Variants in MAGI1 observed in about 807,000 individuals in gnomAD.
MAGI1 encodes membrane associated guanylate kinase, WW and PDZ domain containing 1, also known as membrane-associated guanylate kinase, WW and PDZ domain-containing protein 1.
A neutral mutation model predicts 139.9 loss-of-function variants in MAGI1; 58 were observed. That is an observed-to-expected ratio of 0.41 (90% CI 0.34 to 0.52). MAGI1 has a LOEUF of 0.52. MAGI1 is among the 20% of genes least tolerant of loss of function. The pLI is 0.12. For synonymous variants in MAGI1, 812 were observed against 737.9 expected, an observed-to-expected ratio of 1.10 and a Z score of -1.63; for missense variants, 1,874 against 1,901.6, an observed-to-expected ratio of 0.99 and a Z score of 0.27.
intron 2 of MAGI1, among the ~76,000 whole-genome samples, chr3:65,594,624 C>A (rs182324100): frequency 6.6e-6 from 1 of 151,828 alleles, no homozygotes; most frequent in African/African-American, 2.4e-5. Flanking sequence ...AGTATGACTG[C>A]GAGGGATGTG....
intron 1 of MAGI1, among the ~76,000 whole-genome samples, chr3:65,899,485 C>T (rs1339075614): frequency 6.6e-6 from 1 of 152,154 alleles, no homozygotes; most frequent in African/African-American, 2.4e-5. Context: ...TCAGAAAAAA[C>T]TGAGATCATT....
intron 3 of MAGI1, among the ~76,000 whole-genome samples, chr3:65,483,010 T>G (rs888481252): frequency 2.6e-5 from 4 of 152,266 alleles, no homozygotes; most frequent in Non-Finnish European, 5.9e-5. Context: ...GGACCCCATC[T>G]AGAACAGTGC....
intron 1 of MAGI1, among the ~76,000 whole-genome samples, chr3:65,790,573 T>A (rs528862455): frequency 3.9e-5 from 6 of 152,214 alleles, no homozygotes; most frequent in African/African-American, 9.6e-5. Context: ...CTATTTTTCC[T>A]ACAACACAGA....
intron 1 of MAGI1, among the ~76,000 whole-genome samples, chr3:65,661,908 C>A (rs575258228): frequency 6.6e-5 from 10 of 151,546 alleles, no homozygotes; most frequent in Non-Finnish European, 1.5e-4. Flanking sequence ...CCACCATGCC[C>A]GGCTAAATTT....
intron 1 of MAGI1, among the ~76,000 whole-genome samples, chr3:65,712,548 C>A (rs769772875): frequency 1.3e-5 from 2 of 151,856 alleles, no homozygotes; most frequent in Non-Finnish European, 2.9e-5. Context: ...AGTTTCACTC[C>A]GTCACTCAGG....
chr3:65,890,503 A>G (rs2060705225), intron 1 of MAGI1, among the ~76,000 whole-genome samples: 1 of 152,202 alleles, frequency 6.6e-6, no homozygotes, highest in African/African-American at 2.4e-5. Flanking sequence ...AAATTCAACA[A>G]TATTTTTCTC....
intron 1 of MAGI1, among the ~76,000 whole-genome samples, chr3:65,903,280 C>T (rs1575948391): frequency 1.3e-5 from 2 of 152,240 alleles, no homozygotes; most frequent in South Asian, 4.2e-4. Flanking sequence ...AGGCATAAGC[C>T]ACCACAGCTT....
intron 1 of MAGI1, among the ~76,000 whole-genome samples, chr3:65,721,690 T>C (rs2033044201): frequency 6.6e-6 from 1 of 152,166 alleles, no homozygotes; most frequent in Non-Finnish European, 1.5e-5. Context: ...GAGAAAAACA[T>C]ATTAATGTAC....
chr3:65,964,994 A>G (rs2064667529), intron 1 of MAGI1, among the ~76,000 whole-genome samples: 1 of 152,210 alleles, frequency 6.6e-6, no homozygotes, highest in African/African-American at 2.4e-5. Context: ...CTCTTTCATA[A>G]AGACAAGCAC....
intron 1 of MAGI1, among the ~76,000 whole-genome samples, chr3:65,986,578 A>T (rs2065890448): frequency 6.6e-6 from 1 of 152,154 alleles, no homozygotes; most frequent in South Asian, 2.1e-4. Flanking sequence ...TTCCTTTTCA[A>T]GATGTGTGCA....
intron 10 of MAGI1, among the ~76,000 whole-genome samples, chr3:65,434,507 G>T: frequency 6.6e-6 from 1 of 152,172 alleles, no homozygotes; most frequent in South Asian, 2.1e-4. Context: ...GGAGAATTTA[G>T]TTGGCCTGTG....
At chr3:65,379,048 G>T in intron 17 of MAGI1, 1 of 957,168 alleles carries the variant, frequency 1.0e-6, no homozygotes, top group Non-Finnish European at 1.5e-6. Context: ...CATTCTCAGT[G>T]TGGAAGTTGA....
intron 2 of MAGI1, among the ~76,000 whole-genome samples, chr3:65,585,566 A>G (rs1375336481): frequency 1.3e-5 from 2 of 152,214 alleles, no homozygotes; most frequent in Non-Finnish European, 2.9e-5. Flanking sequence ...GATGTTGCTG[A>G]TGAAAATGAA....
chr3:65,849,375 C>G (rs1257484904), intron 1 of MAGI1, among the ~76,000 whole-genome samples: 1 of 151,684 alleles, frequency 6.6e-6, no homozygotes, highest in Non-Finnish European at 1.5e-5. Context: ...TGGGTAGCCT[C>G]TTTGTCAGTC....
chr3:65,540,975 T>C (rs1453107624), intron 2 of MAGI1, among the ~76,000 whole-genome samples: 2 of 152,158 alleles, frequency 1.3e-5, no homozygotes, highest in Admixed American at 6.5e-5. Flanking sequence ...ATGGTGTATG[T>C]ATCAAAAACA....
chr3:65,509,774 G>A (rs1052158026), intron 2 of MAGI1, among the ~76,000 whole-genome samples: 18 of 152,086 alleles, frequency 1.2e-4, no homozygotes, highest in East Asian at 7.8e-4. Context: ...CAAAGCAGCT[G>A]GGAAGCTCGA....
intron 1 of MAGI1, among the ~76,000 whole-genome samples, chr3:65,866,052 AT>A (rs1348043727): frequency 1.3e-5 from 2 of 152,178 alleles, no homozygotes; most frequent in African/African-American, 2.4e-5. Context: ...TTTTGATTCA[AT>A]TTTTGTAATG....
intron 1 of MAGI1, among the ~76,000 whole-genome samples, chr3:66,036,332 A>G (rs1292170515): frequency 6.6e-6 from 1 of 152,202 alleles, no homozygotes; most frequent in Non-Finnish European, 1.5e-5. Flanking sequence ...TTGTCAGGCC[A>G]GGAAAGGTTT....
intron 2 of MAGI1, among the ~76,000 whole-genome samples, chr3:65,560,229 T>TC (rs749024339): frequency 1.1e-4 from 16 of 152,196 alleles, no homozygotes; most frequent in Non-Finnish European, 2.1e-4. Flanking sequence ...AGTGAAAGTA[T>TC]CACATTACTG....
Sources: allele counts gnomAD v4.1 joint callset (sites outside exome capture counted in the v4.1 genomes callset), GRCh38; gene constraint gnomAD v4.1.1; transcripts MANE v1.5; gene names NCBI Gene and HGNC (gene_info 2026-07-23, HGNC 2026-07-21).